Variants in SGK1 observed in about 807,000 individuals in gnomAD.
SGK1 encodes serine/threonine-protein kinase Sgk1.
In SGK1, 26 loss-of-function variants were observed where a neutral mutation model predicts 64.2. The observed-to-expected ratio is 0.40, with a 90% CI of 0.30 to 0.56. The LOEUF (loss-of-function observed/expected upper bound fraction) is 0.56, where lower values mean the gene tolerates loss of function less well. SGK1 is among the 20% of genes least tolerant of loss of function. SGK1 has a pLI of 0.38. For missense variants in SGK1, 519 were observed against 645.6 expected (o/e 0.80, Z 2.12); for synonymous variants, 265 against 239.7 (o/e 1.11, Z -0.98).
intron 3 of SGK1, among the ~76,000 whole-genome samples, chr6:134,201,969 G>A (rs1239758057): frequency 2.0e-5 from 3 of 152,028 alleles, no homozygotes; most frequent in East Asian, 1.9e-4. Context: ...AACTACTAGC[G>A]AACTAGAAGA....
At chr6:134,314,904 T>C (rs1208330402) in intron 1 of SGK1, among the ~76,000 whole-genome samples, 1 of 151,858 alleles carries the variant, frequency 6.6e-6, no homozygotes, top group Non-Finnish European at 1.5e-5. Context: ...CAGAAATGTG[T>C]GGAACTTCAA....
At chr6:134,231,870 T>A (rs139751894) in intron 2 of SGK1, among the ~76,000 whole-genome samples, 64 of 151,792 alleles carry the variant, frequency 4.2e-4, no homozygotes, top group African/African-American at 1.5e-3. Context: ...TGAAACCCTG[T>A]CTCTACTAAA....
At chr6:134,256,951 G>A (rs1776693216) in intron 2 of SGK1, 1 of 152,172 alleles carries the variant, frequency 6.6e-6, no homozygotes, top group Non-Finnish European at 1.5e-5. Flanking sequence ...TTAGCAATTT[G>A]TGACCATTAA....
intron 1 of SGK1, among the ~76,000 whole-genome samples, chr6:134,301,885 C>G (rs1163691025): frequency 6.6e-6 from 1 of 152,134 alleles, no homozygotes; most frequent in East Asian, 1.9e-4. Flanking sequence ...GCATGAGCCA[C>G]CACTGCTCTG....
intron 3 of SGK1, among the ~76,000 whole-genome samples, chr6:134,202,625 G>A (rs1775704051): frequency 6.6e-6 from 1 of 151,998 alleles, no homozygotes; most frequent in South Asian, 2.1e-4. Flanking sequence ...TGCAGCCTGG[G>A]TGGCAGAGCA....
chr6:134,251,385 A>G (rs1260247443), intron 2 of SGK1, among the ~76,000 whole-genome samples: 3 of 152,212 alleles, frequency 2.0e-5, no homozygotes, highest in Admixed American at 6.5e-5. Context: ...GAAAATAGCC[A>G]TATGGTTTCT....
intron 1 of SGK1, chr6:134,297,126 G>A: frequency 1.8e-6 from 1 of 556,982 alleles, no homozygotes; most frequent in Non-Finnish European, 3.4e-6. Flanking sequence ...GCTGAGGCTG[G>A]GACTTGTGAG....
In SGK1 at chr6:134,172,780, G is replaced by A. The variant is rs372546613; in HGVS notation, c.835-6C>T. On this transcript the variant is annotated splice_polypyrimidine_tract_variant and splice_region_variant and intron_variant, in intron 8 of 13. Coordinates refer to ENST00000367858, the MANE Select transcript of SGK1 (RefSeq NM_001143676.3). Reference sequence around the variant, plus strand: ...CTCTGGAGATGGTAGAACAACTGCAGGAGACAGAACAAAGTCATTCTGGGT... The same window carrying A: ...CTCTGGAGATGGTAGAACAACTGCAAGAGACAGAACAAAGTCATTCTGGGT... 7.3e-5 allele frequency: 117 copies of A among 1,593,352 alleles called. No individual in the cohort carries two copies. The highest frequency in any genetic ancestry group is 9.4e-5 in the Non-Finnish European group (109 of 1,161,232).
At chr6:134,216,078 T>A (rs1177710493) in intron 2 of SGK1, among the ~76,000 whole-genome samples, 2 of 150,304 alleles carry the variant, frequency 1.3e-5, no homozygotes, top group Non-Finnish European at 3.0e-5. Flanking sequence ...ATAAATTTTT[T>A]AAAACTTTTT....
At chr6:134,312,109 C>A (rs140110797) in intron 1 of SGK1, among the ~76,000 whole-genome samples, 1 of 152,282 alleles carries the variant, frequency 6.6e-6, no homozygotes, top group Non-Finnish European at 1.5e-5. Flanking sequence ...TGCTGGTAAA[C>A]GAACTACCTG....
At chr6:134,208,896 G>GTATGTA (rs1554220964) in intron 2 of SGK1, among the ~76,000 whole-genome samples, 2 of 147,368 alleles carry the variant, frequency 1.4e-5, no homozygotes, top group Non-Finnish European at 3.0e-5. Context: ...GTATGTGTGT[G>GTATGTA]TATATATATA....
chr6:134,305,805 T>G (rs748031887), intron 1 of SGK1, among the ~76,000 whole-genome samples: 11 of 152,004 alleles, frequency 7.2e-5, no homozygotes, highest in Non-Finnish European at 1.3e-4. Context: ...AGCCATCATG[T>G]CTAGCACATG....
At chr6:134,199,558 C>CTCTCAAA in intron 3 of SGK1, among the ~76,000 whole-genome samples, 1 of 81,374 alleles carries the variant, frequency 1.2e-5, no homozygotes, top group Non-Finnish European at 2.2e-5. Flanking sequence ...GACTCTCTCT[C>CTCTCAAA]AAAAAAAAAA....
intron 3 of SGK1, chr6:134,180,271 C>T (rs1775311730): frequency 6.6e-6 from 1 of 152,058 alleles, no homozygotes; most frequent in Admixed American, 6.6e-5. Flanking sequence ...TGAGAATCTA[C>T]ATAGCAAGAA....
At chr6:134,231,109 A>G (rs1456945169) in intron 2 of SGK1, among the ~76,000 whole-genome samples, 1 of 152,214 alleles carries the variant, frequency 6.6e-6, no homozygotes, top group Non-Finnish European at 1.5e-5. Flanking sequence ...GGATTGCTTG[A>G]GCTGGGGAGG....
intron 2 of SGK1, among the ~76,000 whole-genome samples, chr6:134,241,746 G>A (rs1488834790): frequency 3.3e-5 from 5 of 152,094 alleles, no homozygotes; most frequent in Admixed American, 1.3e-4. Flanking sequence ...TCAGCCTCCC[G>A]AGTAGCTGGG....
At chr6:134,177,505 A>G (rs959135289) in intron 3 of SGK1, among the ~76,000 whole-genome samples, 6 of 152,050 alleles carry the variant, frequency 3.9e-5, no homozygotes, top group African/African-American at 1.2e-4. Context: ...AGAAACATCA[A>G]CCTGCACACA....
chr6:134,187,468 A>C (rs781152844), intron 3 of SGK1, among the ~76,000 whole-genome samples: 1 of 152,114 alleles, frequency 6.6e-6, no homozygotes, highest in Non-Finnish European at 1.5e-5. Flanking sequence ...GATCCTGGCT[A>C]TGGGAGAAGC....
intron 1 of SGK1, among the ~76,000 whole-genome samples, chr6:134,300,230 G>A (rs1777426920): frequency 6.6e-6 from 1 of 152,082 alleles, no homozygotes; most frequent in Non-Finnish European, 1.5e-5. Flanking sequence ...GTTAAGAGAT[G>A]AGTTAAGGTG....
Sources: gnomAD v4.1 joint callset for allele counts (sites outside exome capture counted in the v4.1 genomes callset) on GRCh38, gnomAD v4.1.1 for gene constraint, MANE v1.5 for transcripts, NCBI Gene and HGNC (gene_info 2026-07-23, HGNC 2026-07-21) for gene names.